Variants in LRRTM4 observed in about 807,000 individuals in gnomAD.
LRRTM4 encodes the protein leucine rich repeat transmembrane neuronal 4.
A neutral mutation model predicts 47.6 loss-of-function variants in LRRTM4; 25 were observed. The ratio of observed to expected loss-of-function variants is 0.53; its 90% CI spans 0.38 to 0.73. The LOEUF is 0.73. LRRTM4 is among the 30% of genes least tolerant of loss of function. LRRTM4 has a pLI of 0.00. For missense variants in LRRTM4, 638 were observed against 713.4 expected (o/e 0.89, Z 1.20); for synonymous variants, 311 against 269.5 (o/e 1.15, Z -1.51).
At chr2:76,891,680 T>C (rs1433382619) in intron 3 of LRRTM4, among the ~76,000 whole-genome samples, 1 of 151,810 alleles carries the variant, frequency 6.6e-6, no homozygotes, top group Non-Finnish European at 1.5e-5. Context: ...TGGAAAAACA[T>C]GAAATTGGAT....
At chr2:76,818,974 A>G (rs1396589613) in intron 3 of LRRTM4, among the ~76,000 whole-genome samples, 1 of 151,798 alleles carries the variant, frequency 6.6e-6, no homozygotes. Flanking sequence ...ACTAGTTTAT[A>G]TGTTGTCCTA....
intron 3 of LRRTM4, among the ~76,000 whole-genome samples, chr2:77,446,749 G>A (rs1383623094): frequency 6.6e-6 from 1 of 152,026 alleles, no homozygotes; most frequent in South Asian, 2.1e-4. Context: ...CGCTTCCCAA[G>A]ATATGCCATT....
At chr2:77,245,267 C>T (rs571729129) in intron 3 of LRRTM4, among the ~76,000 whole-genome samples, 16 of 152,088 alleles carry the variant, frequency 1.1e-4, no homozygotes, top group African/African-American at 3.6e-4. Context: ...ATGTTCATGG[C>T]CAGGCCGGGT....
intron 3 of LRRTM4, among the ~76,000 whole-genome samples, chr2:77,197,857 C>G (rs962468166): frequency 1.3e-5 from 2 of 152,148 alleles, no homozygotes; most frequent in African/African-American, 4.8e-5. Context: ...TGATTCCTTG[C>G]AAAGGCATAG....
At chr2:77,358,084 T>C (rs1672037172) in intron 3 of LRRTM4, among the ~76,000 whole-genome samples, 3 of 152,202 alleles carry the variant, frequency 2.0e-5, no homozygotes, top group Admixed American at 1.3e-4. Flanking sequence ...GATTTCATAT[T>C]AAGAAAAACA....
intron 3 of LRRTM4, among the ~76,000 whole-genome samples, chr2:77,349,966 T>C (rs1671698471): frequency 6.6e-6 from 1 of 152,178 alleles, no homozygotes; most frequent in Admixed American, 6.5e-5. Flanking sequence ...AGAATCTTTA[T>C]AAATGGGAAA....
chr2:76,748,549 T>C lies in LRRTM4; in HGVS notation c.*146A>G. 1.5e-6 allele frequency: 1 copy of C among 676,194 alleles called. No individual in the cohort carries two copies. The highest frequency in any genetic ancestry group is 2.5e-6 in the Non-Finnish European group (1 of 405,308). The allele number at this position is 676,194 out of a possible 1,614,324, so 41.9% of individuals were successfully genotyped here. A position where few individuals can be genotyped will look rare whatever the true frequency, so the allele number is the denominator to read the frequency against. ...CTGCCCTCTTCAAGCAGTTTTTTTT[T>C]CTCTTTTTCTTTTCTCTATGCCATA... On this transcript the variant is annotated 3_prime_UTR_variant, in exon 4 of 4. Transcript: ENST00000409884.
intron 3 of LRRTM4, among the ~76,000 whole-genome samples, chr2:77,478,534 T>A (rs1034799498): frequency 6.6e-6 from 1 of 152,220 alleles, no homozygotes; most frequent in Non-Finnish European, 1.5e-5. Context: ...AGGAAAGAAA[T>A]ATTGACAAAC....
intron 3 of LRRTM4, among the ~76,000 whole-genome samples, chr2:77,027,571 T>C (rs776914223): frequency 7.2e-5 from 11 of 152,158 alleles, no homozygotes; most frequent in Non-Finnish European, 1.6e-4. Flanking sequence ...TCTTAACAAA[T>C]GGCATGACTA....
intron 3 of LRRTM4, among the ~76,000 whole-genome samples, chr2:76,794,393 A>G (rs941166986): frequency 1.8e-4 from 27 of 152,196 alleles, no homozygotes; most frequent in Admixed American, 7.2e-4. Flanking sequence ...TACAGTCCCT[A>G]AATACTGCTA....
intron 3 of LRRTM4, among the ~76,000 whole-genome samples, chr2:77,286,442 T>A (rs1043021085): frequency 6.6e-6 from 1 of 151,906 alleles, no homozygotes; most frequent in African/African-American, 2.4e-5. Flanking sequence ...TAAAATCTTT[T>A]AAAAATTCAT....
chr2:76,967,825 A>T (rs1173246728), intron 3 of LRRTM4, among the ~76,000 whole-genome samples: 1 of 150,618 alleles, frequency 6.6e-6, no homozygotes. Context: ...TTTTTTTTTT[A>T]AATCACAACT....
At chr2:76,919,260 T>C (rs1425518641) in intron 3 of LRRTM4, among the ~76,000 whole-genome samples, 4 of 152,058 alleles carry the variant, frequency 2.6e-5, no homozygotes, top group Non-Finnish European at 5.9e-5. Context: ...AGACTTCAAT[T>C]CCCCATAGCA....
In LRRTM4 at chr2:77,166,414, C is replaced by G. The variant is rs544867154; in HGVS notation, c.1551+351904G>C. On this transcript the variant is annotated intron_variant, in intron 3 of 3. Coordinates refer to ENST00000409884, the MANE Select transcript of LRRTM4 (RefSeq NM_001134745.3). Reference sequence around the variant, plus strand: ...ATTATAGATTCAATGTCATCCCCATCAAGCTACCAATGACTTTCTTCACAG... The same window carrying G: ...ATTATAGATTCAATGTCATCCCCATGAAGCTACCAATGACTTTCTTCACAG... Among the ~76,000 whole-genome samples the G allele has an allele frequency of 2.0e-5, 3 of 152,306 alleles. No individual in the cohort carries two copies. The East Asian group carries it at 5.8e-4, about 29-fold the overall frequency.
intron 3 of LRRTM4, among the ~76,000 whole-genome samples, chr2:76,833,581 T>C (rs1352684674): frequency 8.7e-6 from 1 of 115,366 alleles, no homozygotes; most frequent in African/African-American, 3.9e-5. Flanking sequence ...TTTATATTCA[T>C]AATATATTAC....
intron 3 of LRRTM4, among the ~76,000 whole-genome samples, chr2:77,006,995 A>G (rs1302152132): frequency 1.3e-5 from 2 of 152,116 alleles, no homozygotes; most frequent in Non-Finnish European, 2.9e-5. Context: ...AGAAAGAGGA[A>G]TACCTAATAG....
rs149640559 is a variant in LRRTM4, at chr2:76,865,782, T to C, written c.1552-116866A>G. 2.4e-3 allele frequency among the ~76,000 whole-genome samples: 373 copies of C among 152,290 alleles called. 7 individuals are homozygous for C. Among genetic ancestry groups the C allele is most frequent in the African/African-American group, 8.6e-3 (358 of 41,576 alleles). ...GACTACACATTTAAATAAGAGAGAA[T>C]TGTTATCATCTGATGGCCCTATTTA... On this transcript the variant is annotated intron_variant, in intron 3 of 3. Transcript: ENST00000409884.
chr2:77,455,379 T>C (rs1006687680), intron 3 of LRRTM4, among the ~76,000 whole-genome samples: 1 of 152,134 alleles, frequency 6.6e-6, no homozygotes, highest in African/African-American at 2.4e-5. Context: ...AGATCAGTTA[T>C]CAGTAATTTT....
chr2:77,403,202 A>G (rs1674030918), intron 3 of LRRTM4, among the ~76,000 whole-genome samples: 1 of 151,894 alleles, frequency 6.6e-6, no homozygotes, highest in South Asian at 2.1e-4. Context: ...TTAATAATCA[A>G]TTTGCCTTCC....
Sources: allele counts gnomAD v4.1 joint callset (sites outside exome capture counted in the v4.1 genomes callset), GRCh38; gene constraint gnomAD v4.1.1; transcripts MANE v1.5; gene names NCBI Gene and HGNC (gene_info 2026-07-23, HGNC 2026-07-21).